The following CNR2 variants were observed in gnomAD, a reference collection of about 807,000 sequenced individuals.
CNR2 encodes cannabinoid receptor 2, also known as cannabinoid receptor 2 (macrophage).
For missense variants in CNR2, 379 were observed against 439.9 expected (o/e 0.86, Z 1.24); for synonymous variants, 172 against 182.2 (o/e 0.94, Z 0.45).
Position 23,870,756 on chromosome 1 carries a change from G to A in CNR2, c.*3779C>T, listed in dbSNP as rs1446864035. On this transcript the variant is annotated 3_prime_UTR_variant, in exon 2 of 2. Coordinates refer to ENST00000374472, the MANE Select transcript of CNR2 (RefSeq NM_001841.3). ...CCTGAGCAAGTCTTGTCCACTGTCT[G>A]GGCCCATTTCCTCAACCAAACAACA... The A allele has an allele frequency of 6.6e-6, 1 of 152,148 alleles. No individual in the cohort carries two copies. Among genetic ancestry groups the A allele is most frequent in the Non-Finnish European group, 1.5e-5 (1 of 68,066 alleles). 9.4% of individuals were successfully genotyped at this position (152,148 alleles called of 1,614,324 possible). A position where few individuals can be genotyped will look rare whatever the true frequency, so the allele number is the denominator to read the frequency against.
In CNR2 at chr1:23,873,248, A is replaced by AT. The variant is rs66464465; in HGVS notation, c.*1286dup. 95,402 of 150,890 alleles carry AT rather than the reference A, an allele frequency of 0.63. 30,533 individuals are homozygous for AT. Among genetic ancestry groups the AT allele is most frequent in the African/African-American group, 0.75 (31,021 of 41,094 alleles). The allele number at this position is 150,890 out of a possible 1,614,324, so 9.3% of individuals were successfully genotyped here. A position where few individuals can be genotyped will look rare whatever the true frequency, so the allele number is the denominator to read the frequency against. On this transcript the variant is annotated 3_prime_UTR_variant, in exon 2 of 2. Transcript: ENST00000374472. ...AGTACCCTGGGATCTATTTTATTTTATTTTTTTGAGACAGTCTTGCTCTGT... is the reference window on the plus strand; with the variant it reads ...AGTACCCTGGGATCTATTTTATTTTATTTTTTTTGAGACAGTCTTGCTCTGT...
At chr1:23,883,017 T>C (rs1243769948) in intron 1 of CNR2, among the ~76,000 whole-genome samples, 3 of 152,098 alleles carry the variant, frequency 2.0e-5, no homozygotes. Flanking sequence ...AAGCTGGCTG[T>C]TTGAAAAGAT....
intron 1 of CNR2, among the ~76,000 whole-genome samples, chr1:23,898,335 C>CCATTTT (rs1230917304): frequency 9.2e-6 from 1 of 108,220 alleles, no homozygotes; most frequent in Non-Finnish European, 1.8e-5. Context: ...CCGCGCCCGG[C>CCATTTT]TTTTTTTTTT....
At chr1:23,882,276 G>A (rs1313922168) in intron 1 of CNR2, among the ~76,000 whole-genome samples, 5 of 151,958 alleles carry the variant, frequency 3.3e-5, no homozygotes, top group Admixed American at 6.6e-5. Flanking sequence ...GTTCATAAGC[G>A]TGATGACTGG....
At chr1:23,892,689 A>G (rs1570713327) in intron 1 of CNR2, among the ~76,000 whole-genome samples, 1 of 152,228 alleles carries the variant, frequency 6.6e-6, no homozygotes, top group East Asian at 1.9e-4. Flanking sequence ...AACTGCCCCA[A>G]TTTATAATGT....
rs1106 is a variant in CNR2 at position 23,874,282 on chromosome 1, C to A, written c.*253G>T. The A allele has an allele frequency of 2.2e-6, 1 of 459,100 alleles. No homozygotes were observed. The highest frequency in any genetic ancestry group is 3.9e-5 in the East Asian group (1 of 25,552). 28.4% of individuals were successfully genotyped at this position (459,100 alleles called of 1,614,324 possible). Reference sequence around the variant, plus strand: ...TGAAGCCTGACCTGACTTGTACTGACCCTGTCCCAGGCCTTTTGTGTCTCG... The same window carrying A: ...TGAAGCCTGACCTGACTTGTACTGAACCTGTCCCAGGCCTTTTGTGTCTCG... On this transcript the variant is annotated 3_prime_UTR_variant, in exon 2 of 2. Coordinates refer to ENST00000374472, the MANE Select transcript of CNR2 (RefSeq NM_001841.3).
intron 1 of CNR2, among the ~76,000 whole-genome samples, chr1:23,887,442 G>C (rs973130427): frequency 1.2e-4 from 18 of 152,198 alleles, no homozygotes; most frequent in African/African-American, 4.1e-4. Flanking sequence ...GGGGCTGATG[G>C]AGGCTGGCTT....
intron 1 of CNR2, among the ~76,000 whole-genome samples, chr1:23,893,625 C>A (rs1640228998): frequency 6.6e-6 from 1 of 152,184 alleles, no homozygotes; most frequent in Non-Finnish European, 1.5e-5. Context: ...GGCTCTGGCA[C>A]CAGCTGGATC....
At position 23,872,855 on chromosome 1, in the gene CNR2, A is replaced by G. The variant is rs1049738818; in HGVS notation, c.*1680T>C. On this transcript the variant is annotated 3_prime_UTR_variant, in exon 2 of 2. Coordinates refer to ENST00000374472, the MANE Select transcript of CNR2 (RefSeq NM_001841.3). ...TCCCTATTACATGACATGAACCTGC[A>G]TATTTCCTTTGTTGTACTGCCTGTA... The G allele has an allele frequency of 6.6e-6, 1 of 152,148 alleles. No individual in the cohort carries two copies. The highest frequency in any genetic ancestry group is 6.5e-5 in the Admixed American group (1 of 15,270). The allele number at this position is 152,148 out of a possible 1,614,324, so 9.4% of individuals were successfully genotyped here.
intron 1 of CNR2, among the ~76,000 whole-genome samples, chr1:23,892,592 G>T (rs1435511045): frequency 3.3e-5 from 5 of 152,208 alleles, no homozygotes; most frequent in African/African-American, 1.2e-4. Flanking sequence ...AATGCAGTGT[G>T]GAAGTGCAGT....
intron 1 of CNR2, among the ~76,000 whole-genome samples, chr1:23,908,771 AT>A (rs1640539427): frequency 6.6e-6 from 1 of 151,942 alleles, no homozygotes; most frequent in South Asian, 2.1e-4. Context: ...GCTCCATCAG[AT>A]TTTCCAGGAC....
chr1:23,903,704 A>G (rs1488108685), intron 1 of CNR2, among the ~76,000 whole-genome samples: 1 of 152,196 alleles, frequency 6.6e-6, no homozygotes, highest in Non-Finnish European at 1.5e-5. Context: ...CTGCCAGGCC[A>G]TAAATGCAAG....
At chr1:23,912,227 G>A (rs996844552) in intron 1 of CNR2, among the ~76,000 whole-genome samples, 2 of 152,182 alleles carry the variant, frequency 1.3e-5, no homozygotes, top group African/African-American at 2.4e-5. Flanking sequence ...AGACCTGGAC[G>A]CTGACCCCAG....
Position 23,870,550 on chromosome 1 carries a change from G to A in CNR2, c.*3985C>T, listed in dbSNP as rs1218563694. 2.6e-5 allele frequency: 4 copies of A among 152,194 alleles called. No individual in the cohort carries two copies. The highest frequency in any genetic ancestry group is 4.4e-5 in the Non-Finnish European group (3 of 68,042). The allele number at this position is 152,194 out of a possible 1,614,324, so 9.4% of individuals were successfully genotyped here. On this transcript the variant is annotated 3_prime_UTR_variant, in exon 2 of 2. Transcript: ENST00000374472. The stretch of plus-strand genomic sequence containing the variant: ...ATCGGTTTGCATAGTGGTCTTTAAT[G>A]TTACAGAGCTTGTCTTGGGGAAGAT...
chr1:23,891,275 TTGTGTG>T (rs57856234), intron 1 of CNR2, among the ~76,000 whole-genome samples: 2 of 150,316 alleles, frequency 1.3e-5, no homozygotes, highest in Non-Finnish European at 3.0e-5. Flanking sequence ...ACCAAATCTT[TTGTGTG>T]TGTGTGTGTG....
At chr1:23,901,816 C>G in intron 1 of CNR2, 1 of 1,601,584 alleles carries the variant, frequency 6.2e-7, no homozygotes, top group Non-Finnish European at 8.6e-7. Context: ...GGCCTAGCCC[C>G]GCAATAAATA....
rs6703474 is a variant in CNR2, at chr1:23,905,551, G to A, written c.-46+7695C>T. On this transcript the variant is annotated intron_variant, in intron 1 of 1. Coordinates refer to ENST00000374472, the MANE Select transcript of CNR2 (RefSeq NM_001841.3). ...ATTCTACACAACAAATCCATGATGG[G>A]GGACTAGTATCACTCCTGTTCTGTA... is the stretch of plus-strand genomic sequence containing the variant. Among the ~76,000 whole-genome samples, 1,328 of 151,860 alleles carry A rather than the reference G, an allele frequency of 8.7e-3. 14 individuals carry two copies. The highest frequency in any genetic ancestry group is 0.028 in the Middle Eastern group (8 of 290).
chr1:23,877,245 A>C (rs1318397579), intron 1 of CNR2, among the ~76,000 whole-genome samples: 1 of 151,952 alleles, frequency 6.6e-6, no homozygotes, highest in Non-Finnish European at 1.5e-5. Context: ...ATTCAAGTAG[A>C]ATTTCTGGAA....
At chr1:23,899,336 C>T (rs1640342253) in intron 1 of CNR2, among the ~76,000 whole-genome samples, 1 of 152,136 alleles carries the variant, frequency 6.6e-6, no homozygotes, top group South Asian at 2.1e-4. Flanking sequence ...TGAAAGAGAT[C>T]TAACTTAACT....
Sources: allele counts gnomAD v4.1 joint callset (sites outside exome capture counted in the v4.1 genomes callset), GRCh38; gene constraint gnomAD v4.1.1; transcripts MANE v1.5; gene names NCBI Gene and HGNC (gene_info 2026-07-23, HGNC 2026-07-21).